ADAMTS6: variants seen among roughly 807,000 people sequenced by gnomAD.
ADAMTS6 encodes ADAM metallopeptidase with thrombospondin type 1 motif 6.
A neutral mutation model predicts 144.3 loss-of-function variants in ADAMTS6; 23 were observed. The observed-to-expected ratio is 0.16, with a 90% CI of 0.11 to 0.23. The LOEUF is 0.23. Ranked by LOEUF, ADAMTS6 falls within the 10% of genes least tolerant of loss-of-function variation. The pLI is 1.00. For missense variants in ADAMTS6, 999 were observed against 1,379.6 expected, an observed-to-expected ratio of 0.72 and a Z score of 4.37; for synonymous variants, 444 against 457.5, an observed-to-expected ratio of 0.97 and a Z score of 0.38.
intron 9 of ADAMTS6, among the ~76,000 whole-genome samples, chr5:65,303,505 C>T (rs190488041): frequency 0.014 from 2,096 of 152,018 alleles, 18 homozygotes; most frequent in Middle Eastern, 0.043. Flanking sequence ...GTCACTGAAA[C>T]TAATAATTAT....
chr5:65,355,203 C>A (rs1403287013), intron 7 of ADAMTS6, among the ~76,000 whole-genome samples: 1 of 151,686 alleles, frequency 6.6e-6, no homozygotes, highest in Non-Finnish European at 1.5e-5. Flanking sequence ...AAACATTTTT[C>A]TGATAAAATA....
chr5:65,166,002 T>A (rs1206328016), intron 24 of ADAMTS6, among the ~76,000 whole-genome samples: 1 of 150,286 alleles, frequency 6.7e-6, no homozygotes, highest in Non-Finnish European at 1.5e-5. Flanking sequence ...GCTAACATCA[T>A]AATGACAGGA....
chr5:65,344,253 C>T (rs1316212071), intron 7 of ADAMTS6, among the ~76,000 whole-genome samples: 1 of 151,962 alleles, frequency 6.6e-6, no homozygotes, highest in African/African-American at 2.4e-5. Flanking sequence ...ATTATAACAT[C>T]TGTCCTCTGG....
intron 1 of ADAMTS6, 50 bp downstream of exon 1, chr5:65,481,293 G>A (rs925183622): frequency 6.8e-6 from 1 of 147,840 alleles, no homozygotes; most frequent in African/African-American, 2.5e-5. Context: ...AGCACAAGTT[G>A]TTGGTTTAAA....
At chr5:65,359,294 AACATAGGAAGGAAT>A (rs1404886556) in intron 7 of ADAMTS6, among the ~76,000 whole-genome samples, 1 of 152,204 alleles carries the variant, frequency 6.6e-6, no homozygotes, top group African/African-American at 2.4e-5. Context: ...ATGGCCAACA[AACATAGGAAGGAAT>A]ATTCAACATC....
intron 7 of ADAMTS6, among the ~76,000 whole-genome samples, chr5:65,396,530 C>G (rs10471657): frequency 6.6e-6 from 1 of 152,170 alleles, no homozygotes; most frequent in Admixed American, 6.5e-5. Flanking sequence ...CTCTTTCCCA[C>G]TCCAACCCTC....
chr5:65,404,370 C>T (rs960401417), intron 7 of ADAMTS6, among the ~76,000 whole-genome samples: 7 of 152,094 alleles, frequency 4.6e-5, no homozygotes, highest in African/African-American at 1.7e-4. Context: ...GGTTCAATTG[C>T]CACCTATGAG....
chr5:65,351,958 A>G (rs1320481987), intron 7 of ADAMTS6, among the ~76,000 whole-genome samples: 2 of 152,228 alleles, frequency 1.3e-5, no homozygotes, highest in East Asian at 3.8e-4. Flanking sequence ...GTCACCCACT[A>G]CTATCACAGA....
chr5:65,313,672 T>C (rs1744716657), intron 9 of ADAMTS6, among the ~76,000 whole-genome samples: 1 of 151,972 alleles, frequency 6.6e-6, no homozygotes, highest in African/African-American at 2.4e-5. Flanking sequence ...ATTTTACAAG[T>C]TTGGATAAAA....
chr5:65,298,924 T>C (rs1323980990), intron 10 of ADAMTS6, among the ~76,000 whole-genome samples: 3 of 152,082 alleles, frequency 2.0e-5, no homozygotes, highest in Non-Finnish European at 2.9e-5. Context: ...TAAATAATGT[T>C]ACCCTATGTA....
intron 7 of ADAMTS6, among the ~76,000 whole-genome samples, chr5:65,347,182 A>T (rs1196801089): frequency 6.6e-6 from 1 of 151,860 alleles, no homozygotes; most frequent in African/African-American, 2.4e-5. Flanking sequence ...TTTTCACAGA[A>T]ATAGAAAAAA....
intron 3 of ADAMTS6, among the ~76,000 whole-genome samples, chr5:65,461,303 G>C (rs1308171592): frequency 6.6e-6 from 1 of 152,066 alleles, no homozygotes; most frequent in Admixed American, 6.6e-5. Context: ...TTTAAAGTTG[G>C]TATAAGTTTT....
chr5:65,468,367 A>G (rs1009823443), intron 3 of ADAMTS6, among the ~76,000 whole-genome samples: 2 of 149,354 alleles, frequency 1.3e-5, no homozygotes, highest in African/African-American at 4.9e-5. Context: ...CATCCATAGG[A>G]GGTGGAGGTT....
intron 7 of ADAMTS6, among the ~76,000 whole-genome samples, chr5:65,416,733 G>A (rs1580657582): frequency 7.8e-6 from 1 of 128,898 alleles, no homozygotes; most frequent in Non-Finnish European, 1.6e-5. Context: ...CTGGGCAACA[G>A]AGCAAGACTC....
chr5:65,302,150 C>T (rs1235868056), intron 9 of ADAMTS6, among the ~76,000 whole-genome samples: 5 of 136,298 alleles, frequency 3.7e-5, no homozygotes, highest in African/African-American at 1.4e-4. Context: ...TATATATTTA[C>T]ATATAATATA....
At chr5:65,469,644 T>C (rs1366128047) in intron 3 of ADAMTS6, among the ~76,000 whole-genome samples, 6 of 152,244 alleles carry the variant, frequency 3.9e-5, no homozygotes, top group Admixed American at 2.6e-4. Context: ...GTAAATATTT[T>C]GGTTCATTTT....
chr5:65,381,232 GGTCAA>G (rs1752011642), intron 7 of ADAMTS6, among the ~76,000 whole-genome samples: 1 of 152,004 alleles, frequency 6.6e-6, no homozygotes, highest in South Asian at 2.1e-4. Flanking sequence ...ATTTTTAAAT[GGTCAA>G]GTACAGAAAA....
chr5:65,209,067 G>A (rs1049837114), intron 20 of ADAMTS6, among the ~76,000 whole-genome samples: 7 of 152,136 alleles, frequency 4.6e-5, no homozygotes, highest in South Asian at 2.1e-4. Context: ...GCCAAACATC[G>A]TAAAAAGAGA....
intron 9 of ADAMTS6, among the ~76,000 whole-genome samples, chr5:65,328,420 T>G (rs996879833): frequency 2.0e-5 from 3 of 152,150 alleles, no homozygotes; most frequent in African/African-American, 7.2e-5. Context: ...AGCTGGTTGT[T>G]TTAGCTAAAA....
Sources: gnomAD v4.1 joint callset for allele counts (sites outside exome capture counted in the v4.1 genomes callset) on GRCh38, gnomAD v4.1.1 for gene constraint, MANE v1.5 for transcripts, NCBI Gene and HGNC (gene_info 2026-07-23, HGNC 2026-07-21) for gene names.